Variants in GFRA2 observed in about 807,000 individuals in gnomAD.
GFRA2 encodes the protein GDNF family receptor alpha 2, also known as GDNF family receptor alpha-2.
A neutral mutation model predicts 48.3 loss-of-function variants in GFRA2; 17 were observed. The ratio of observed to expected loss-of-function variants is 0.35; its 90% CI spans 0.24 to 0.53. The LOEUF (loss-of-function observed/expected upper bound fraction) is 0.53, where lower values mean the gene tolerates loss of function less well. Among genes scored for constraint, GFRA2 ranks in the 20% least tolerant of loss-of-function variants. GFRA2 has a pLI of 0.93. For missense variants in GFRA2, 660 were observed against 637.3 expected (o/e 1.04, Z -0.38); for synonymous variants, 305 against 257.2 (o/e 1.19, Z -1.78).
chr8:21,706,428 A>G, intron 4 of GFRA2: 1 of 464,198 alleles, frequency 2.2e-6, no homozygotes, highest in South Asian at 1.5e-5. Context: ...GCAGCCCTGG[A>G]TGAGCCTGCC....
At chr8:21,791,337 C>G (rs1449231885), upstream of GFRA2, among the ~76,000 whole-genome samples, 1 of 152,102 alleles carries the variant, frequency 6.6e-6, no homozygotes, top group Non-Finnish European at 1.5e-5. Context: ...ACCCAGCCAT[C>G]CCAAGAACAG....
At chr8:21,791,525 A>G (rs1807573963), upstream of GFRA2, among the ~76,000 whole-genome samples, 2 of 152,024 alleles carry the variant, frequency 1.3e-5, no homozygotes, top group Non-Finnish European at 2.9e-5. Flanking sequence ...TTATTTCCTG[A>G]GCATCTGCCA....
At chr8:21,736,142 T>C (rs1804452619) in intron 4 of GFRA2, among the ~76,000 whole-genome samples, 1 of 152,256 alleles carries the variant, frequency 6.6e-6, no homozygotes, top group Non-Finnish European at 1.5e-5. Flanking sequence ...CACATGGCTG[T>C]TCCCTACCAT....
At chr8:21,711,940 G>A (rs969586522) in intron 4 of GFRA2, among the ~76,000 whole-genome samples, 11 of 152,180 alleles carry the variant, frequency 7.2e-5, no homozygotes, top group African/African-American at 1.9e-4. Flanking sequence ...TGCACTGCCC[G>A]TAATCCATTT....
chr8:21,735,835 TA>T (rs36035646), intron 4 of GFRA2, among the ~76,000 whole-genome samples: 5,300 of 143,300 alleles, frequency 0.037, 208 homozygotes, highest in African/African-American at 0.12. Context: ...CCCAGATAAT[TA>T]AAAAAAAAAA....
At chr8:21,720,008 G>A (rs1438103216) in intron 4 of GFRA2, among the ~76,000 whole-genome samples, 1 of 152,060 alleles carries the variant, frequency 6.6e-6, no homozygotes, top group Non-Finnish European at 1.5e-5. Context: ...CAAAGACCCA[G>A]ACCCCCTCCC....
intron 7 of GFRA2, among the ~76,000 whole-genome samples, chr8:21,697,039 G>A (rs1802221927): frequency 7.0e-6 from 1 of 142,978 alleles, no homozygotes; most frequent in Non-Finnish European, 1.5e-5. Flanking sequence ...AGAGGAGAGG[G>A]GAGGAGACAG....
Position 21,788,745 on chromosome 8 carries a change from C to T in GFRA2, c.-586G>A, listed in dbSNP as rs1807413641. The stretch of plus-strand genomic sequence containing the variant: ...TTCAAAAAAATCTTCTCCCGCTAAC[C>T]CTTGCTCGGCTCACTTTTTTCTAAT... On this transcript the variant is annotated 5_prime_UTR_variant, in exon 1 of 9. Transcript: ENST00000524240. 1.0e-6 allele frequency: 1 copy of T among 985,446 alleles called. No homozygotes were observed. Among genetic ancestry groups the T allele is most frequent in the Non-Finnish European group, 1.2e-6 (1 of 830,020 alleles). 61.0% of individuals were successfully genotyped at this position (985,446 alleles called of 1,614,324 possible).
At chr8:21,723,824 T>C (rs1803725203) in intron 4 of GFRA2, among the ~76,000 whole-genome samples, 1 of 152,154 alleles carries the variant, frequency 6.6e-6, no homozygotes, top group African/African-American at 2.4e-5. Context: ...CAAACTCCAG[T>C]TCCTTCATCC....
upstream of GFRA2, among the ~76,000 whole-genome samples, chr8:21,792,126 T>C (rs1807583536): frequency 1.3e-5 from 2 of 152,180 alleles, no homozygotes; most frequent in Non-Finnish European, 2.9e-5. Context: ...CCCTTTCTCT[T>C]ATCTCTCTAG....
chr8:21,809,360 A>T (rs1429912123), intron 1 of GFRA2, among the ~76,000 whole-genome samples: 1 of 152,200 alleles, frequency 6.6e-6, no homozygotes, highest in Non-Finnish European at 1.5e-5. Context: ...AGTCTCGCTC[A>T]GTCGCCCAGG....
chr8:21,784,627 A>AG (rs1242167247), intron 1 of GFRA2, among the ~76,000 whole-genome samples: 2 of 152,140 alleles, frequency 1.3e-5, no homozygotes, highest in African/African-American at 4.8e-5. Flanking sequence ...ACCCATCCCT[A>AG]GGGGACAACA....
intron 3 of GFRA2, among the ~76,000 whole-genome samples, chr8:21,758,888 G>GCACA (rs147529943): frequency 1.1e-4 from 16 of 150,182 alleles, no homozygotes; most frequent in Middle Eastern, 3.4e-3. Context: ...ACACCGAGGT[G>GCACA]CACACACACA....
At chr8:21,731,754 C>T (rs1045458027) in intron 4 of GFRA2, among the ~76,000 whole-genome samples, 33 of 152,152 alleles carry the variant, frequency 2.2e-4, no homozygotes, top group African/African-American at 8.0e-4. Context: ...CTCCGAGAGG[C>T]AGACAGAAAC....
intron 3 of GFRA2, among the ~76,000 whole-genome samples, chr8:21,757,637 A>G (rs188369493): frequency 3.8e-4 from 58 of 152,158 alleles, no homozygotes; most frequent in African/African-American, 1.3e-3. Flanking sequence ...CTGGGATTAC[A>G]GGCGCCTGCC....
intron 4 of GFRA2, among the ~76,000 whole-genome samples, chr8:21,736,249 C>T (rs1483715664): frequency 6.6e-6 from 1 of 152,044 alleles, no homozygotes; most frequent in Admixed American, 6.5e-5. Flanking sequence ...GACACACACC[C>T]ATCAGGAAAA....
At chr8:21,758,526 T>C (rs1403245261) in intron 3 of GFRA2, among the ~76,000 whole-genome samples, 2 of 152,140 alleles carry the variant, frequency 1.3e-5, no homozygotes, top group Non-Finnish European at 1.5e-5. Flanking sequence ...GAGCCCACCC[T>C]GGGTCCCTGA....
At chr8:21,774,190 C>T (rs1806576543) in intron 3 of GFRA2, among the ~76,000 whole-genome samples, 1 of 151,710 alleles carries the variant, frequency 6.6e-6, no homozygotes, top group African/African-American at 2.4e-5. Context: ...AGAACCCCCT[C>T]CCCAGTGCCC....
At chr8:21,774,894 G>C (rs1411014675) in intron 3 of GFRA2, 78 bp downstream of exon 3, 2 of 808,368 alleles carry the variant, frequency 2.5e-6, no homozygotes, top group East Asian at 4.9e-5. Flanking sequence ...CAGGATGCCT[G>C]TCCAAGCCCA....
Sources: allele counts gnomAD v4.1 joint callset (sites outside exome capture counted in the v4.1 genomes callset), GRCh38; gene constraint gnomAD v4.1.1; transcripts MANE v1.5; gene names NCBI Gene and HGNC (gene_info 2026-07-23, HGNC 2026-07-21).